Variants in GALNTL6 observed in about 807,000 individuals in gnomAD.
The protein encoded by GALNTL6 is polypeptide N-acetylgalactosaminyltransferase like 6.
In GALNTL6, 46 loss-of-function variants were observed where a neutral mutation model predicts 73.7. The observed-to-expected ratio is 0.62, with a 90% confidence interval of 0.49 to 0.80. GALNTL6 has a LOEUF of 0.80. Among genes scored for constraint, GALNTL6 ranks in the 30% least tolerant of loss-of-function variants. The probability of loss-of-function intolerance (pLI) is 0.00; values close to 1 mark genes in which losing one functional copy is unlikely to be tolerated. For missense variants in GALNTL6, 604 were observed against 755.0 expected, an observed-to-expected ratio of 0.80 and a Z score of 2.34; for synonymous variants, 259 against 263.7, an observed-to-expected ratio of 0.98 and a Z score of 0.17.
At chr4:172,776,197 A>G (rs1453273283) in intron 5 of GALNTL6, among the ~76,000 whole-genome samples, 1 of 152,214 alleles carries the variant, frequency 6.6e-6, no homozygotes, top group Admixed American at 6.5e-5. Flanking sequence ...ACGCTAATGT[A>G]AGATTTTTAA....
At chr4:171,829,372 A>C (rs1266876623) in intron 2 of GALNTL6, among the ~76,000 whole-genome samples, 1 of 152,084 alleles carries the variant, frequency 6.6e-6, no homozygotes, top group Non-Finnish European at 1.5e-5. Flanking sequence ...AGGCTACTCC[A>C]GTCTTAAATC....
Position 172,868,019 on chromosome 4 carries a change from C to G in GALNTL6, c.924-14771C>G, listed in dbSNP as rs142061215. Among the ~76,000 whole-genome samples the G allele has an allele frequency of 1.5e-4, 23 of 152,284 alleles. No individual in the cohort carries two copies. In the East Asian group the frequency reaches 4.4e-3, roughly 29 times the overall value. The stretch of plus-strand genomic sequence containing the variant: ...ACCCCAAGGGAATGCTAATAAACAT[C>G]ATATTACAGAGGCCAGAAGAGGATC... On this transcript the variant is annotated intron_variant, in intron 7 of 12. Transcript: ENST00000506823.
intron 2 of GALNTL6, among the ~76,000 whole-genome samples, chr4:171,858,823 T>C (rs1735756719): frequency 6.6e-6 from 1 of 152,080 alleles, no homozygotes. Context: ...CATACAACTA[T>C]AAAGCTCAGG....
intron 5 of GALNTL6, among the ~76,000 whole-genome samples, chr4:172,377,194 G>T (rs1461910570): frequency 3.9e-5 from 6 of 152,130 alleles, no homozygotes; most frequent in Non-Finnish European, 8.8e-5. Flanking sequence ...TAGTTGGTCT[G>T]TTTTATAGAG....
At chr4:171,837,584 G>T (rs1735127080) in intron 2 of GALNTL6, among the ~76,000 whole-genome samples, 2 of 146,044 alleles carry the variant, frequency 1.4e-5, no homozygotes, top group South Asian at 2.1e-4. Flanking sequence ...TAATATTATA[G>T]ATATTAATTA....
chr4:172,762,521 A>C (rs2110830925), intron 5 of GALNTL6, among the ~76,000 whole-genome samples: 1 of 151,746 alleles, frequency 6.6e-6, no homozygotes, highest in South Asian at 2.1e-4. Flanking sequence ...CTCTGTCTTT[A>C]CCTTTTCTAG....
chr4:172,413,886 A>T (rs906830294), intron 5 of GALNTL6, among the ~76,000 whole-genome samples: 2 of 152,148 alleles, frequency 1.3e-5, no homozygotes, highest in Admixed American at 1.3e-4. Flanking sequence ...AATGTCTAAG[A>T]ATATGAAAAG....
chr4:172,476,569 C>G (rs1248895648), intron 5 of GALNTL6, among the ~76,000 whole-genome samples: 1 of 152,212 alleles, frequency 6.6e-6, no homozygotes, highest in East Asian at 1.9e-4. Context: ...GCTGGATAGG[C>G]TTTCTCTGTC....
intron 10 of GALNTL6, among the ~76,000 whole-genome samples, chr4:173,000,852 A>G (rs1386679621): frequency 2.6e-5 from 4 of 152,210 alleles, no homozygotes; most frequent in African/African-American, 7.2e-5. Flanking sequence ...CTGGATATCC[A>G]CTACTAATGG....
chr4:172,253,602 G>C (rs986684250), intron 3 of GALNTL6, among the ~76,000 whole-genome samples: 1 of 151,820 alleles, frequency 6.6e-6, no homozygotes, highest in African/African-American at 2.4e-5. Flanking sequence ...CAGTATAATG[G>C]GTGGCATTTC....
rs564199096 is a variant in GALNTL6, at chr4:172,166,084, A to AAT, written c.139-63569_139-63568dup. Among the ~76,000 whole-genome samples, 19 of 152,350 alleles carry AAT rather than the reference A, an allele frequency of 1.2e-4. No homozygotes were observed. In the East Asian group the frequency reaches 3.3e-3, roughly 26 times the overall value. The stretch of plus-strand genomic sequence containing the variant: ...AAAATACATTTTCCTTATAAATGCA[A>AAT]ATATTATGTGTTCGTAATATGGCTT... On this transcript the variant is annotated intron_variant, in intron 2 of 12. Coordinates refer to ENST00000506823, the MANE Select transcript of GALNTL6 (RefSeq NM_001034845.3).
chr4:172,080,086 A>G (rs992331138), intron 2 of GALNTL6, among the ~76,000 whole-genome samples: 2 of 152,184 alleles, frequency 1.3e-5, no homozygotes, highest in African/African-American at 2.4e-5. Flanking sequence ...TTTTTCCCCA[A>G]TAGCTCACCA....
intron 5 of GALNTL6, among the ~76,000 whole-genome samples, chr4:172,526,139 G>T (rs1734945108): frequency 6.6e-6 from 1 of 152,064 alleles, no homozygotes; most frequent in South Asian, 2.1e-4. Flanking sequence ...ATAAGTCCTA[G>T]TATAACCTTA....
intron 5 of GALNTL6, among the ~76,000 whole-genome samples, chr4:172,678,192 C>A (rs1380895498): frequency 1.3e-5 from 2 of 152,204 alleles, no homozygotes; most frequent in African/African-American, 2.4e-5. Flanking sequence ...TGTGACTGGA[C>A]TGTTTTCCAG....
chr4:171,910,713 C>T (rs934131635), intron 2 of GALNTL6, among the ~76,000 whole-genome samples: 4 of 152,020 alleles, frequency 2.6e-5, no homozygotes, highest in Non-Finnish European at 5.9e-5. Flanking sequence ...TTATGGTTAA[C>T]AATCCAAACT....
chr4:172,993,929 A>C (rs1315364989), intron 10 of GALNTL6, among the ~76,000 whole-genome samples: 2 of 152,182 alleles, frequency 1.3e-5, no homozygotes, highest in Non-Finnish European at 2.9e-5. Flanking sequence ...TCTCAAAAAC[A>C]AACAAACAAA....
At chr4:172,037,840 G>A (rs748670473) in intron 2 of GALNTL6, among the ~76,000 whole-genome samples, 47 of 152,142 alleles carry the variant, frequency 3.1e-4, no homozygotes, top group Non-Finnish European at 5.7e-4. Context: ...TCTAGAGACC[G>A]GGAGCGTTGG....
rs544369936 is a variant in GALNTL6, at chr4:173,023,380, G to A, written c.1638+1755G>A. ...AAAATTACAAAACATCAGTTGAGCCGAGCACAGTAGCTCACGCTTGTCATC... is the reference window on the plus strand; with the variant it reads ...AAAATTACAAAACATCAGTTGAGCCAAGCACAGTAGCTCACGCTTGTCATC... On this transcript the variant is annotated intron_variant, in intron 12 of 12. Transcript: ENST00000506823. Among the ~76,000 whole-genome samples, 13 of 152,246 alleles carry A rather than the reference G, an allele frequency of 8.5e-5. 1 individual carries two copies. The East Asian group carries it at 2.1e-3, about 25-fold the overall frequency.
intron 5 of GALNTL6, among the ~76,000 whole-genome samples, chr4:172,453,864 G>A (rs1732302094): frequency 6.6e-6 from 1 of 152,158 alleles, no homozygotes; most frequent in Non-Finnish European, 1.5e-5. Context: ...CTAAATGACA[G>A]CAAGAAACAT....
Sources: gnomAD v4.1 joint callset for allele counts (sites outside exome capture counted in the v4.1 genomes callset) on GRCh38, gnomAD v4.1.1 for gene constraint, MANE v1.5 for transcripts, NCBI Gene and HGNC (gene_info 2026-07-23, HGNC 2026-07-21) for gene names.